KLHL1: variants seen among roughly 807,000 people sequenced by gnomAD.
The protein encoded by KLHL1 is kelch like family member 1.
A neutral mutation model predicts 77.7 loss-of-function variants in KLHL1; 47 were observed. That is an observed-to-expected ratio of 0.60 (90% confidence interval 0.48 to 0.77). The LOEUF is 0.77. Among genes scored for constraint, KLHL1 ranks in the 30% least tolerant of loss-of-function variants. The pLI is 0.00. For synonymous variants in KLHL1, 360 were observed against 325.2 expected, an observed-to-expected ratio of 1.11 and a Z score of -1.15; for missense variants, 925 against 910.8, an observed-to-expected ratio of 1.02 and a Z score of -0.20.
intron 1 of KLHL1, among the ~76,000 whole-genome samples, chr13:70,106,895 CAGA>C (rs1315542224): frequency 6.6e-6 from 1 of 152,112 alleles, no homozygotes; most frequent in African/African-American, 2.4e-5. Context: ...CGGTAGATGA[CAGA>C]AGAACACCAT....
At chr13:70,093,842 G>C (rs1318062039) in intron 1 of KLHL1, among the ~76,000 whole-genome samples, 1 of 152,096 alleles carries the variant, frequency 6.6e-6, no homozygotes, top group Admixed American at 6.6e-5. Flanking sequence ...AATTAGAACT[G>C]CAGTTTTACT....
intron 8 of KLHL1, among the ~76,000 whole-genome samples, chr13:69,737,756 T>C (rs1393430094): frequency 1.3e-5 from 2 of 152,124 alleles, no homozygotes; most frequent in South Asian, 2.1e-4. Context: ...GAGGAGCCCA[T>C]AGGAGGAGGG....
At chr13:69,899,012 T>A (rs1213931966) in intron 4 of KLHL1, among the ~76,000 whole-genome samples, 1 of 77,226 alleles carries the variant, frequency 1.3e-5, no homozygotes, top group Non-Finnish European at 2.6e-5. Context: ...GCAATAAAAA[T>A]TACACATTTT....
At chr13:70,064,989 T>C (rs1225933904) in intron 1 of KLHL1, among the ~76,000 whole-genome samples, 1 of 152,130 alleles carries the variant, frequency 6.6e-6, no homozygotes, top group African/African-American at 2.4e-5. Context: ...ATTATAGTAA[T>C]GAAGAGTGCA....
At chr13:70,084,650 A>ATTTTTTTTTTTTTTTT (rs1887486259) in intron 1 of KLHL1, among the ~76,000 whole-genome samples, 1 of 14,430 alleles carries the variant, frequency 6.9e-5, no homozygotes, top group African/African-American at 2.7e-4. Context: ...TTTTTTTTTG[A>ATTTTTTTTTTTTTTTT]ATTTTTAGTA....
chr13:69,936,895 A>G (rs982559386), intron 4 of KLHL1, among the ~76,000 whole-genome samples: 1 of 152,162 alleles, frequency 6.6e-6, no homozygotes, highest in African/African-American at 2.4e-5. Context: ...TGGGGTAAAT[A>G]GCTTTGATCA....
intron 1 of KLHL1, among the ~76,000 whole-genome samples, chr13:70,065,212 AT>A (rs1178867168): frequency 3.3e-5 from 5 of 152,200 alleles, no homozygotes; most frequent in African/African-American, 4.8e-5. Flanking sequence ...ACTATGCTGC[AT>A]ACATTACCAA....
At chr13:70,023,670 T>C (rs1955547290) in intron 1 of KLHL1, among the ~76,000 whole-genome samples, 1 of 152,062 alleles carries the variant, frequency 6.6e-6, no homozygotes, top group South Asian at 2.1e-4. Flanking sequence ...TTGTCCCTGG[T>C]TGACTTTGCT....
At chr13:69,760,214 C>G (rs536797859) in intron 7 of KLHL1, among the ~76,000 whole-genome samples, 1 of 152,240 alleles carries the variant, frequency 6.6e-6, no homozygotes, top group East Asian at 1.9e-4. Flanking sequence ...TCTGCCTAGA[C>G]TCAGTATGGA....
chr13:69,868,315 G>T (rs1303636208), intron 5 of KLHL1, among the ~76,000 whole-genome samples: 3 of 151,812 alleles, frequency 2.0e-5, no homozygotes, highest in African/African-American at 7.3e-5. Flanking sequence ...TATTTAAAAG[G>T]TATAATCTGT....
In KLHL1 at chr13:69,901,643, T is replaced by C. The variant is rs140319716; in HGVS notation, c.1015-19148A>G. ...TTTTAAAGGGTAAATAGTGATCAAA[T>C]TTTTGAATGTTGACCTAAATTTTGA... On this transcript the variant is annotated intron_variant, in intron 4 of 10. Transcript: ENST00000377844. Among the ~76,000 whole-genome samples the C allele has an allele frequency of 4.0e-3, 614 of 152,322 alleles. 6 individuals carry two copies. Among genetic ancestry groups the C allele is most frequent in the African/African-American group, 0.014 (574 of 41,578 alleles).
chr13:69,876,382 C>G (rs974415134), intron 5 of KLHL1, among the ~76,000 whole-genome samples: 1 of 152,110 alleles, frequency 6.6e-6, no homozygotes, highest in African/African-American at 2.4e-5. Context: ...GAGACCTCAC[C>G]CTTCCTTCTT....
At chr13:69,951,914 A>T (rs1296231886) in intron 3 of KLHL1, among the ~76,000 whole-genome samples, 1 of 151,464 alleles carries the variant, frequency 6.6e-6, no homozygotes, top group Non-Finnish European at 1.5e-5. Context: ...GGGAGCATAC[A>T]GATACAGAAT....
At chr13:69,748,023 T>C (rs1005634449) in intron 7 of KLHL1, among the ~76,000 whole-genome samples, 1 of 152,096 alleles carries the variant, frequency 6.6e-6, no homozygotes, top group Non-Finnish European at 1.5e-5. Flanking sequence ...TTGCTCTAAA[T>C]ACTAGAAAGT....
intron 5 of KLHL1, among the ~76,000 whole-genome samples, chr13:69,849,841 A>G (rs1051564508): frequency 1.3e-5 from 2 of 151,440 alleles, no homozygotes; most frequent in Non-Finnish European, 3.0e-5. Flanking sequence ...GAATCTATTA[A>G]TTTATTTTAA....
At chr13:69,957,570 T>G (rs1883932111) in intron 3 of KLHL1, among the ~76,000 whole-genome samples, 1 of 151,812 alleles carries the variant, frequency 6.6e-6, no homozygotes, top group South Asian at 2.1e-4. Flanking sequence ...TTTTCTAATA[T>G]ACACCGTGAC....
chr13:69,877,889 T>G (rs2138188050), intron 5 of KLHL1, among the ~76,000 whole-genome samples: 1 of 152,250 alleles, frequency 6.6e-6, no homozygotes, highest in African/African-American at 2.4e-5. Flanking sequence ...AATTTATAAT[T>G]AATAAAGAAT....
chr13:69,983,855 A>G (rs890432506), intron 1 of KLHL1, among the ~76,000 whole-genome samples: 11 of 152,114 alleles, frequency 7.2e-5, no homozygotes, highest in Non-Finnish European at 1.3e-4. Flanking sequence ...ACATAGACCA[A>G]TGGAACAGAC....
chr13:69,767,644 TATG>T (rs1009780971), intron 7 of KLHL1, among the ~76,000 whole-genome samples: 3 of 152,226 alleles, frequency 2.0e-5, no homozygotes, highest in African/African-American at 7.2e-5. Flanking sequence ...TGATCACCCA[TATG>T]ATGATAACAT....
Sources: gnomAD v4.1 joint callset for allele counts (sites outside exome capture counted in the v4.1 genomes callset) on GRCh38, gnomAD v4.1.1 for gene constraint, MANE v1.5 for transcripts, NCBI Gene and HGNC (gene_info 2026-07-23, HGNC 2026-07-21) for gene names.